KHDRBS2: variants seen among roughly 807,000 people sequenced by gnomAD.
KHDRBS2 encodes the protein KH domain-containing, RNA-binding, signal transduction-associated protein 2.
In KHDRBS2, 26 loss-of-function variants were observed where a neutral mutation model predicts 44.3. That is an observed-to-expected ratio of 0.59 (90% CI 0.43 to 0.81). KHDRBS2 has a LOEUF of 0.81. Ranked by LOEUF, KHDRBS2 falls within the 40% of genes least tolerant of loss-of-function variation. The pLI is 0.00. For synonymous variants in KHDRBS2, 194 were observed against 151.1 expected (o/e 1.28, Z -2.08); for missense variants, 476 against 433.1 (o/e 1.10, Z -0.88).
At chr6:62,251,067 T>A (rs1230771400) in intron 1 of KHDRBS2, among the ~76,000 whole-genome samples, 2 of 151,972 alleles carry the variant, frequency 1.3e-5, no homozygotes, top group East Asian at 3.9e-4. Context: ...ACTGTAGCTA[T>A]GTAAGTGAAT....
chr6:62,093,880 GTGTGTGTGTGTGTA>G (rs1329791171), intron 2 of KHDRBS2, among the ~76,000 whole-genome samples: 28 of 149,810 alleles, frequency 1.9e-4, no homozygotes, highest in African/African-American at 6.9e-4. Context: ...GTGTGTGTGT[GTGTGTGTGTGTGTA>G]TATCACATTT....
At chr6:62,027,447 G>A (rs1370780310) in intron 3 of KHDRBS2, among the ~76,000 whole-genome samples, 2 of 152,028 alleles carry the variant, frequency 1.3e-5, no homozygotes, top group Non-Finnish European at 1.5e-5. Context: ...AGCAATAAAG[G>A]TGAAAGGAAT....
the KHDRBS2 span, among the ~76,000 whole-genome samples, chr6:61,654,609 A>T: frequency 2.0e-5 from 3 of 151,172 alleles, no homozygotes; most frequent in Non-Finnish European, 4.4e-5. Flanking sequence ...ACAGCAAGAA[A>T]TGGGTAATGA....
chr6:61,848,505 A>ACG (rs1562294072), intron 6 of KHDRBS2, among the ~76,000 whole-genome samples: 7 of 57,686 alleles, frequency 1.2e-4, no homozygotes, highest in African/African-American at 3.4e-4. Flanking sequence ...ATATATATAT[A>ACG]TATATGTATA....
At chr6:62,018,494 C>T (rs1271055671) in intron 3 of KHDRBS2, among the ~76,000 whole-genome samples, 4 of 152,064 alleles carry the variant, frequency 2.6e-5, no homozygotes, top group Non-Finnish European at 5.9e-5. Flanking sequence ...ACTACAGGCG[C>T]CTGCCACCAC....
chr6:61,770,925 G>T (rs917272414), intron 6 of KHDRBS2, among the ~76,000 whole-genome samples: 2 of 152,150 alleles, frequency 1.3e-5, no homozygotes, highest in East Asian at 1.9e-4. Context: ...AATGTTAAGG[G>T]CAGCCAGAGA....
intron 6 of KHDRBS2, among the ~76,000 whole-genome samples, chr6:61,805,824 G>A (rs1371473994): frequency 6.6e-6 from 1 of 152,176 alleles, no homozygotes; most frequent in Non-Finnish European, 1.5e-5. Context: ...CGCCCAAAAT[G>A]CGGGGATTAC....
chr6:62,174,221 C>T (rs1320304035), intron 2 of KHDRBS2, among the ~76,000 whole-genome samples: 2 of 151,716 alleles, frequency 1.3e-5, no homozygotes, highest in South Asian at 2.1e-4. Context: ...TTTCAGGATA[C>T]AAAATCAATG....
the KHDRBS2 span, among the ~76,000 whole-genome samples, chr6:61,575,656 A>G: frequency 3.9e-5 from 6 of 152,180 alleles, no homozygotes; most frequent in East Asian, 7.7e-4. Flanking sequence ...CCTTGCACAC[A>G]TGTTTACAGC....
intron 2 of KHDRBS2, among the ~76,000 whole-genome samples, chr6:62,114,851 T>C (rs1805834100): frequency 6.8e-6 from 1 of 148,046 alleles, no homozygotes. Flanking sequence ...GCATGTTGAT[T>C]ACAATATGTA....
chr6:62,238,084 C>A (rs896650322), intron 1 of KHDRBS2, among the ~76,000 whole-genome samples: 1 of 150,980 alleles, frequency 6.6e-6, no homozygotes, highest in Admixed American at 6.6e-5. Context: ...GATATAGTTT[C>A]TTGGTAAAAG....
chr6:62,051,396 G>T (rs961888875), intron 2 of KHDRBS2, among the ~76,000 whole-genome samples: 1 of 151,748 alleles, frequency 6.6e-6, no homozygotes, highest in African/African-American at 2.4e-5. Flanking sequence ...TATAATAAAG[G>T]TCCAATTTCA....
chr6:61,727,280 TCAAGATAAATTAAATA>T, intron 7 of KHDRBS2, among the ~76,000 whole-genome samples: 1 of 152,148 alleles, frequency 6.6e-6, no homozygotes, highest in East Asian at 1.9e-4. Context: ...AAAAATTAAC[TCAAGATAAATTAAATA>T]CTTAAATGTA....
chr6:61,596,119 G>C, the KHDRBS2 span, among the ~76,000 whole-genome samples: 134 of 152,192 alleles, frequency 8.8e-4, 1 homozygote, highest in African/African-American at 3.1e-3. Flanking sequence ...ATGGCCACCT[G>C]TCCAGATCTG....
chr6:62,042,307 A>G (rs1786699829), intron 3 of KHDRBS2, among the ~76,000 whole-genome samples: 1 of 152,092 alleles, frequency 6.6e-6, no homozygotes, highest in African/African-American at 2.4e-5. Context: ...TATTTAAGCA[A>G]GTTATTATGC....
intron 6 of KHDRBS2, among the ~76,000 whole-genome samples, chr6:61,891,475 T>C (rs1168251300): frequency 6.6e-6 from 1 of 152,168 alleles, no homozygotes; most frequent in African/African-American, 2.4e-5. Flanking sequence ...ATTCCCTCTT[T>C]TTCTACTGAC....
At chr6:62,095,973 T>C (rs1448048713) in intron 2 of KHDRBS2, among the ~76,000 whole-genome samples, 1 of 152,020 alleles carries the variant, frequency 6.6e-6, no homozygotes, top group African/African-American at 2.4e-5. Context: ...TCTATTCGGA[T>C]GATCATATAA....
chr6:61,696,056 A>G (rs1372435356), intron 8 of KHDRBS2, among the ~76,000 whole-genome samples: 1 of 151,994 alleles, frequency 6.6e-6, no homozygotes, highest in Non-Finnish European at 1.5e-5. Context: ...TCATTGCACA[A>G]TTATGGCTTC....
At chr6:62,107,919 C>T (rs568244896) in intron 2 of KHDRBS2, among the ~76,000 whole-genome samples, 3 of 152,212 alleles carry the variant, frequency 2.0e-5, no homozygotes, top group East Asian at 3.9e-4. Flanking sequence ...GGATCCCTTC[C>T]TTACACCTTA....
Sources: gnomAD v4.1 joint callset for allele counts (sites outside exome capture counted in the v4.1 genomes callset) on GRCh38, gnomAD v4.1.1 for gene constraint, MANE v1.5 for transcripts, NCBI Gene and HGNC (gene_info 2026-07-23, HGNC 2026-07-21) for gene names.